Variants in POFUT3 observed in about 807,000 individuals in gnomAD.
POFUT3 encodes the protein protein O-fucosyltransferase 3, also known as GDP-fucose protein O-fucosyltransferase 3.
the POFUT3 span, among the ~76,000 whole-genome samples, chr8:33,320,437 T>G: frequency 6.6e-6 from 1 of 152,222 alleles, no homozygotes; most frequent in South Asian, 2.1e-4. Context: ...TCTGGCATGT[T>G]AGGATTTATA....
chr8:33,344,282 C>G, the POFUT3 span, among the ~76,000 whole-genome samples: 1 of 152,198 alleles, frequency 6.6e-6, no homozygotes, highest in Non-Finnish European at 1.5e-5. Context: ...TCCTTCACTC[C>G]TAAGAACAAG....
chr8:33,358,960 G>A, the POFUT3 span, among the ~76,000 whole-genome samples: 5 of 152,100 alleles, frequency 3.3e-5, no homozygotes, highest in Non-Finnish European at 7.4e-5. Context: ...AAATCAGCTG[G>A]CACCTTGATT....
At chr8:33,385,770 G>A in the POFUT3 span, among the ~76,000 whole-genome samples, 1 of 152,100 alleles carries the variant, frequency 6.6e-6, no homozygotes, top group Non-Finnish European at 1.5e-5. Flanking sequence ...TGTAATCCCA[G>A]CTTCTTAGGA....
chr8:33,395,088 C>A, the POFUT3 span, among the ~76,000 whole-genome samples: 1 of 152,176 alleles, frequency 6.6e-6, no homozygotes, highest in African/African-American at 2.4e-5. Flanking sequence ...GGTTTTACAA[C>A]TAGGAGCACT....
the POFUT3 span, among the ~76,000 whole-genome samples, chr8:33,308,948 G>T: frequency 6.6e-6 from 1 of 150,914 alleles, no homozygotes; most frequent in Non-Finnish European, 1.5e-5. Flanking sequence ...TGGAGCCCAG[G>T]CTGTTGCTTC....
chr8:33,377,537 A>T, the POFUT3 span: 2 of 152,248 alleles, frequency 1.3e-5, no homozygotes, highest in East Asian at 3.9e-4. Flanking sequence ...TTGCCTTCCC[A>T]CTCAGGAGAG....
At chr8:33,445,078 C>A in the POFUT3 span, among the ~76,000 whole-genome samples, 2 of 151,870 alleles carry the variant, frequency 1.3e-5, no homozygotes, top group South Asian at 4.2e-4. Flanking sequence ...GGACTACAGG[C>A]ACGCACCACC....
At chr8:33,436,535 G>T in the POFUT3 span, 1 of 1,054,778 alleles carries the variant, frequency 9.5e-7, no homozygotes, top group Non-Finnish European at 1.5e-6. Context: ...TTGTGATGGT[G>T]CAGGTTGCGT....
chr8:33,459,643 A>G, the POFUT3 span, among the ~76,000 whole-genome samples: 8 of 146,200 alleles, frequency 5.5e-5, no homozygotes, highest in Non-Finnish European at 7.6e-5. Context: ...AACTGTCTCA[A>G]AAAAAAAAAA....
At chr8:33,461,543 G>T in the POFUT3 span, 1 of 1,594,902 alleles carries the variant, frequency 6.3e-7, no homozygotes, top group Non-Finnish European at 8.5e-7. Flanking sequence ...TCACATGGAA[G>T]AACCATCTGG....
At chr8:33,430,288 A>G in the POFUT3 span, among the ~76,000 whole-genome samples, 1 of 152,300 alleles carries the variant, frequency 6.6e-6, no homozygotes, top group East Asian at 1.9e-4. Flanking sequence ...TTTCATCTTT[A>G]TGCCTTCAAC....
At chr8:33,389,717 T>A in the POFUT3 span, 1 of 1,614,166 alleles carries the variant, frequency 6.2e-7, no homozygotes. Flanking sequence ...ATAATTGTTT[T>A]TCGGGGACTC....
the POFUT3 span, among the ~76,000 whole-genome samples, chr8:33,376,318 CA>C: frequency 6.6e-6 from 1 of 151,912 alleles, no homozygotes; most frequent in Non-Finnish European, 1.5e-5. Context: ...GCAGAAAAAC[CA>C]GTTGGAAATA....
the POFUT3 span, among the ~76,000 whole-genome samples, chr8:33,444,730 A>G: frequency 2.1e-4 from 32 of 152,056 alleles, no homozygotes; most frequent in Non-Finnish European, 4.0e-4. Flanking sequence ...AGGAAGGAGA[A>G]TCACTTGAAC....
chr8:33,415,193 C>T, the POFUT3 span, among the ~76,000 whole-genome samples: 7 of 151,960 alleles, frequency 4.6e-5, no homozygotes, highest in African/African-American at 1.2e-4. Flanking sequence ...ACCCAGGAGG[C>T]GGAGCTTGGA....
chr8:33,389,173 T>C, the POFUT3 span: 2 of 1,614,142 alleles, frequency 1.2e-6, no homozygotes, highest in Admixed American at 3.3e-5. Context: ...TGATGTAACT[T>C]GCCAGTTCCC....
chr8:33,351,214 C>T, the POFUT3 span, among the ~76,000 whole-genome samples: 120 of 152,196 alleles, frequency 7.9e-4, 1 homozygote, highest in African/African-American at 2.5e-3. Flanking sequence ...CTCATCCTCC[C>T]AAAAGTGCTG....
At chr8:33,461,553 G>T in the POFUT3 span, 7 of 1,583,376 alleles carry the variant, frequency 4.4e-6, no homozygotes, top group South Asian at 7.9e-5. Context: ...GAACCATCTG[G>T]GCGCCAATTT....
At chr8:33,417,185 C>T in the POFUT3 span, among the ~76,000 whole-genome samples, 4 of 152,302 alleles carry the variant, frequency 2.6e-5, no homozygotes, top group East Asian at 3.9e-4. Context: ...CCAGGTTGCA[C>T]GCTCCTTATG....
Sources: gnomAD v4.1 joint callset for allele counts (sites outside exome capture counted in the v4.1 genomes callset) on GRCh38, gnomAD v4.1.1 for gene constraint, MANE v1.5 for transcripts, NCBI Gene and HGNC (gene_info 2026-07-23, HGNC 2026-07-21) for gene names.